The following SPAG16 variants were observed in gnomAD, a reference collection of about 807,000 sequenced individuals.
SPAG16 encodes the protein sperm associated antigen 16.
SPAG16 carries 86 observed loss-of-function variants against 80.4 expected under a neutral mutation model. That is an observed-to-expected ratio of 1.07 (90% CI 0.90 to 1.28). The LOEUF (loss-of-function observed/expected upper bound fraction) is 1.28, where lower values mean the gene tolerates loss of function less well. Among genes scored for constraint, SPAG16 ranks in the 50% most tolerant of loss-of-function variants. The probability of loss-of-function intolerance (pLI) is 0.00; values close to 1 mark genes in which losing one functional copy is unlikely to be tolerated. For missense variants in SPAG16, 870 were observed against 765.3 expected (o/e 1.14, Z -1.61); for synonymous variants, 294 against 265.9 (o/e 1.11, Z -1.03).
chr2:213,288,648 T>C (rs900153524), intron 1 of SPAG16, among the ~76,000 whole-genome samples: 1 of 151,880 alleles, frequency 6.6e-6, no homozygotes, highest in Non-Finnish European at 1.5e-5. Flanking sequence ...TTTTTAACTT[T>C]TTTTTTTTTT....
intron 10 of SPAG16, among the ~76,000 whole-genome samples, chr2:213,738,735 TC>T (rs997750473): frequency 7.2e-5 from 11 of 152,226 alleles, no homozygotes; most frequent in Admixed American, 6.5e-4. Flanking sequence ...ATAATGCTGT[TC>T]ACCAATTATT....
intron 10 of SPAG16, among the ~76,000 whole-genome samples, chr2:213,646,443 A>G (rs1179416280): frequency 2.0e-5 from 3 of 152,266 alleles, no homozygotes; most frequent in Non-Finnish European, 4.4e-5. Flanking sequence ...TTTCATAGAT[A>G]AATGGCCACA....
rs915206139 is a variant in SPAG16, at chr2:213,880,985, T to C, written c.1214+18357T>C. ...TGGTTCCGCATGAATTTTTGAATAG[T>C]TTTTTCCTAATTCTGTGAAGAATGA... is the stretch of plus-strand genomic sequence containing the variant. On this transcript the variant is annotated intron_variant, in intron 11 of 15. Transcript: ENST00000331683. Among the ~76,000 whole-genome samples, 5 of 152,168 alleles carry C rather than the reference T, an allele frequency of 3.3e-5. No homozygotes were observed. The East Asian group carries it at 9.6e-4, about 29-fold the overall frequency.
intron 12 of SPAG16, among the ~76,000 whole-genome samples, chr2:213,977,929 C>G (rs1291826353): frequency 1.3e-5 from 2 of 152,028 alleles, no homozygotes; most frequent in Non-Finnish European, 2.9e-5. Flanking sequence ...CTACCCTCTT[C>G]CACTGAGATG....
chr2:214,021,494 T>A (rs1392037284), intron 13 of SPAG16, among the ~76,000 whole-genome samples: 1 of 152,090 alleles, frequency 6.6e-6, no homozygotes, highest in Non-Finnish European at 1.5e-5. Context: ...ACCCATTCAC[T>A]GTCATGAGAG....
intron 9 of SPAG16, among the ~76,000 whole-genome samples, chr2:213,471,193 C>G (rs1289009443): frequency 6.6e-6 from 1 of 152,164 alleles, no homozygotes; most frequent in Non-Finnish European, 1.5e-5. Context: ...TTCTCTTCCT[C>G]TTTCAACTGA....
intron 11 of SPAG16, among the ~76,000 whole-genome samples, chr2:213,913,799 T>C (rs1391100353): frequency 6.6e-6 from 1 of 152,034 alleles, no homozygotes; most frequent in Non-Finnish European, 1.5e-5. Flanking sequence ...GACTGTTAAG[T>C]CCAAAATTTG....
chr2:214,004,716 A>G (rs1395524249), intron 12 of SPAG16, among the ~76,000 whole-genome samples: 1 of 151,884 alleles, frequency 6.6e-6, no homozygotes, highest in Admixed American at 6.6e-5. Context: ...GGGCTGGGTC[A>G]TCCTAGGGAT....
At chr2:213,767,919 T>C (rs2069027750) in intron 10 of SPAG16, among the ~76,000 whole-genome samples, 1 of 152,188 alleles carries the variant, frequency 6.6e-6, no homozygotes, top group African/African-American at 2.4e-5. Flanking sequence ...AGCAGGCATG[T>C]ATAAATAAGC....
At chr2:214,287,316 G>T (rs1234331309) in intron 15 of SPAG16, among the ~76,000 whole-genome samples, 1 of 152,204 alleles carries the variant, frequency 6.6e-6, no homozygotes, top group Non-Finnish European at 1.5e-5. Context: ...GAACTTATCA[G>T]TGATTTCCTT....
At chr2:213,533,158 T>G (rs780943512) in intron 10 of SPAG16, among the ~76,000 whole-genome samples, 11 of 152,216 alleles carry the variant, frequency 7.2e-5, no homozygotes, top group Non-Finnish European at 1.5e-4. Context: ...AGCACATATA[T>G]GCATGAATGG....
At chr2:214,085,976 C>T (rs949195540) in intron 13 of SPAG16, among the ~76,000 whole-genome samples, 1 of 152,154 alleles carries the variant, frequency 6.6e-6, no homozygotes, top group Non-Finnish European at 1.5e-5. Context: ...GAAAGCCTGT[C>T]CATCCTTAAA....
chr2:213,853,919 G>T (rs562299648), intron 10 of SPAG16, among the ~76,000 whole-genome samples: 1 of 152,098 alleles, frequency 6.6e-6, no homozygotes, highest in Non-Finnish European at 1.5e-5. Context: ...CTTCAGCTCC[G>T]CATGCCCAGG....
intron 15 of SPAG16, chr2:214,240,464 GT>G (rs1362984275): frequency 6.6e-6 from 1 of 152,088 alleles, no homozygotes; most frequent in Non-Finnish European, 1.5e-5. Flanking sequence ...AACCATCTCC[GT>G]AAAGATATCT....
chr2:213,860,453 A>ATC (rs1559529449), intron 10 of SPAG16, among the ~76,000 whole-genome samples: 4 of 120,954 alleles, frequency 3.3e-5, no homozygotes, highest in Admixed American at 2.7e-4. Flanking sequence ...ATATATGTAT[A>ATC]TATATACAGA....
intron 12 of SPAG16, among the ~76,000 whole-genome samples, chr2:214,002,573 G>A (rs1425821891): frequency 1.3e-5 from 2 of 152,086 alleles, no homozygotes; most frequent in African/African-American, 2.4e-5. Flanking sequence ...GAAGTCCCAC[G>A]ATGTGCTGTC....
intron 10 of SPAG16, among the ~76,000 whole-genome samples, chr2:213,719,636 A>G (rs577611688): frequency 3.5e-4 from 53 of 152,256 alleles, no homozygotes; most frequent in Admixed American, 2.4e-3. Flanking sequence ...TTCTGGACAC[A>G]ATACCATCTC....
chr2:214,043,543 G>A (rs1489223500), intron 13 of SPAG16, among the ~76,000 whole-genome samples: 2 of 151,974 alleles, frequency 1.3e-5, no homozygotes, highest in Admixed American at 6.6e-5. Flanking sequence ...CTAAAACCGT[G>A]GGTATTAAAT....
chr2:213,291,164 A>G (rs1286552083), intron 1 of SPAG16, among the ~76,000 whole-genome samples: 1 of 151,918 alleles, frequency 6.6e-6, no homozygotes, highest in Non-Finnish European at 1.5e-5. Context: ...TATCTGCTGC[A>G]TCTTAATCAT....
Sources: gnomAD v4.1 joint callset for allele counts (sites outside exome capture counted in the v4.1 genomes callset) on GRCh38, gnomAD v4.1.1 for gene constraint, MANE v1.5 for transcripts, NCBI Gene and HGNC (gene_info 2026-07-23, HGNC 2026-07-21) for gene names.